The following RALYL variants were observed in gnomAD, a reference collection of about 807,000 sequenced individuals.
RALYL encodes the protein RALY RNA binding protein like.
A neutral mutation model predicts 35.1 loss-of-function variants in RALYL; 29 were observed. The ratio of observed to expected loss-of-function variants is 0.83; its 90% confidence interval spans 0.61 to 1.13. The LOEUF is 1.13. Among genes scored for constraint, RALYL ranks in the 50% most tolerant of loss-of-function variants. The pLI is 0.00. For missense variants in RALYL, 359 were observed against 360.4 expected (o/e 1.00, Z 0.03); for synonymous variants, 120 against 127.6 (o/e 0.94, Z 0.40).
Position 84,730,490 on chromosome 8 carries a change from T to C in RALYL, c.257-44089T>C, listed in dbSNP as rs551759863. 6.0e-4 allele frequency among the ~76,000 whole-genome samples: 88 copies of C among 146,006 alleles called. 1 individual carries two copies. The highest frequency in any genetic ancestry group is 6.9e-3 in the Middle Eastern group (2 of 290). On this transcript the variant is annotated intron_variant, in intron 2 of 8. Coordinates refer to ENST00000521268, the MANE Select transcript of RALYL (RefSeq NM_173848.7). Reference sequence around the variant, plus strand: ...AAACTGGCACAAGACAGGGATGCCCTCTCTCACCACTCCTATTCAACATAG... The same window carrying C: ...AAACTGGCACAAGACAGGGATGCCCCCTCTCACCACTCCTATTCAACATAG...
At chr8:84,276,275 T>C (rs556066380) in intron 1 of RALYL, among the ~76,000 whole-genome samples, 3 of 152,154 alleles carry the variant, frequency 2.0e-5, no homozygotes, top group Non-Finnish European at 4.4e-5. Flanking sequence ...TCCTAAATTA[T>C]CAAATACTGA....
chr8:84,701,054 TAAG>T (rs1259498877), intron 2 of RALYL, among the ~76,000 whole-genome samples: 1 of 152,032 alleles, frequency 6.6e-6, no homozygotes, highest in Non-Finnish European at 1.5e-5. Flanking sequence ...GCTGATAAGA[TAAG>T]GAGGAAAGGG....
At chr8:84,908,568 T>C (rs529892831) in intron 8 of RALYL, among the ~76,000 whole-genome samples, 1 of 152,312 alleles carries the variant, frequency 6.6e-6, no homozygotes, top group South Asian at 2.1e-4. Flanking sequence ...TTCCATTGTG[T>C]ATATATGCCA....
chr8:84,826,830 C>T (rs1402613486), intron 4 of RALYL, among the ~76,000 whole-genome samples: 4 of 151,752 alleles, frequency 2.6e-5, no homozygotes, highest in Non-Finnish European at 5.9e-5. Context: ...TGCCTTGCCC[C>T]GAAATATAAC....
At chr8:84,664,348 G>T (rs756497089) in intron 2 of RALYL, among the ~76,000 whole-genome samples, 4 of 137,584 alleles carry the variant, frequency 2.9e-5, no homozygotes, top group Admixed American at 7.8e-5. Flanking sequence ...TTTAAAATAG[G>T]TTTTTTCTAG....
At chr8:84,592,400 T>C (rs1477460800) in intron 2 of RALYL, among the ~76,000 whole-genome samples, 1 of 152,184 alleles carries the variant, frequency 6.6e-6, no homozygotes, top group African/African-American at 2.4e-5. Context: ...TTCTTTCTTT[T>C]TTATTTTTGC....
rs1464541129 is a variant in RALYL, at chr8:84,184,172, A to G, written c.-276A>G. 1 of 152,112 alleles carries G rather than the reference A, an allele frequency of 6.6e-6. No individual in the cohort carries two copies. Among genetic ancestry groups the G allele is most frequent in the East Asian group, 1.9e-4 (1 of 5,188 alleles). 9.4% of individuals were successfully genotyped at this position (152,112 alleles called of 1,614,324 possible). On this transcript the variant is annotated 5_prime_UTR_variant, in exon 1 of 9. Coordinates refer to ENST00000521268, the MANE Select transcript of RALYL (RefSeq NM_173848.7). ...GTGATTGGGATCATTTTTAAGCAAA[A>G]TACTTTTTTCCTCCTTTAAATTAAC...
intron 1 of RALYL, among the ~76,000 whole-genome samples, chr8:84,504,357 T>A (rs977654207): frequency 5.3e-5 from 8 of 152,266 alleles, no homozygotes; most frequent in Admixed American, 5.2e-4. Flanking sequence ...GGTACCCTCA[T>A]GTAATTTTCG....
At chr8:84,317,790 G>A (rs1844034702) in intron 1 of RALYL, among the ~76,000 whole-genome samples, 5 of 152,092 alleles carry the variant, frequency 3.3e-5, no homozygotes. Context: ...GTGCTTTTTT[G>A]TCTTGGCAAT....
At chr8:84,362,808 G>A (rs536256027) in intron 1 of RALYL, among the ~76,000 whole-genome samples, 7 of 152,068 alleles carry the variant, frequency 4.6e-5, no homozygotes, top group Admixed American at 1.3e-4. Flanking sequence ...TAGTCCCACA[G>A]GATTTGAGAA....
chr8:84,390,680 G>C (rs1860467853), intron 1 of RALYL, among the ~76,000 whole-genome samples: 1 of 152,012 alleles, frequency 6.6e-6, no homozygotes, highest in African/African-American at 2.4e-5. Flanking sequence ...TGTGGGATCA[G>C]TGGTGATATC....
rs184121525 is a variant in RALYL at position 84,703,787 on chromosome 8, G to A, written c.257-70792G>A. Among the ~76,000 whole-genome samples, 402 of 152,094 alleles carry A rather than the reference G, an allele frequency of 2.6e-3. 2 individuals are homozygous for A. Among genetic ancestry groups the A allele is most frequent in the Non-Finnish European group, 4.8e-3 (324 of 67,984 alleles). On this transcript the variant is annotated intron_variant, in intron 2 of 8. Coordinates refer to ENST00000521268, the MANE Select transcript of RALYL (RefSeq NM_173848.7). ...ATTCTATTGAATTGCCACAGTTTTC[G>A]TGCCTTGTTGGTCTTATGGCATTGG...
intron 5 of RALYL, among the ~76,000 whole-genome samples, chr8:84,850,855 G>A (rs1015973506): frequency 1.8e-4 from 27 of 152,136 alleles, no homozygotes; most frequent in Admixed American, 1.8e-3. Flanking sequence ...CTTTCAATGT[G>A]TGATTCTCTT....
chr8:84,568,499 G>A (rs1455539833), intron 2 of RALYL, among the ~76,000 whole-genome samples: 33 of 149,388 alleles, frequency 2.2e-4, no homozygotes, highest in Non-Finnish European at 3.4e-4. Flanking sequence ...GAATAATGCC[G>A]CAATAAACAT....
At chr8:84,670,120 G>GA (rs535043658) in intron 2 of RALYL, among the ~76,000 whole-genome samples, 2,344 of 143,658 alleles carry the variant, frequency 0.016, 32 homozygotes, top group Non-Finnish European at 0.019. Context: ...ATTTCCTGCT[G>GA]AAAAAAAAAA....
chr8:84,900,977 G>T (rs1346290), intron 8 of RALYL, among the ~76,000 whole-genome samples: 70,208 of 151,960 alleles, frequency 0.46, 19,174 homozygotes, highest in African/African-American at 0.75. Context: ...AGAGGAAGGT[G>T]GGTCAGTGTA....
intron 5 of RALYL, among the ~76,000 whole-genome samples, chr8:84,851,131 A>G (rs764810101): frequency 6.6e-5 from 10 of 152,176 alleles, no homozygotes; most frequent in Admixed American, 2.6e-4. Flanking sequence ...TGATTATTCA[A>G]TTTTGCAAAA....
At chr8:84,803,984 C>T (rs529483286) in intron 3 of RALYL, among the ~76,000 whole-genome samples, 101 of 152,246 alleles carry the variant, frequency 6.6e-4, no homozygotes, top group African/African-American at 2.2e-3. Flanking sequence ...CCAAAATACA[C>T]TTACCAACAG....
chr8:84,528,294 GTAAATGA>G (rs2059045060), intron 1 of RALYL, among the ~76,000 whole-genome samples: 1 of 151,984 alleles, frequency 6.6e-6, no homozygotes, highest in South Asian at 2.1e-4. Context: ...AATAGGTACT[GTAAATGA>G]TGCATGACAA....
Sources: allele counts gnomAD v4.1 joint callset (sites outside exome capture counted in the v4.1 genomes callset), GRCh38; gene constraint gnomAD v4.1.1; transcripts MANE v1.5; gene names NCBI Gene and HGNC (gene_info 2026-07-23, HGNC 2026-07-21).